Variants in KLHL26 observed in about 807,000 individuals in gnomAD.
The protein encoded by KLHL26 is kelch-like protein 26.
A neutral mutation model predicts 7.1 loss-of-function variants in KLHL26; 4 were observed. The ratio of observed to expected loss-of-function variants is 0.56; its 90% CI spans 0.28 to 1.28. KLHL26 has a LOEUF of 1.28. Ranked by LOEUF, KLHL26 falls within the 50% of genes most tolerant of loss-of-function variation. The pLI is 0.11. For missense variants in KLHL26, 896 were observed against 924.6 expected, an observed-to-expected ratio of 0.97 and a Z score of 0.40; for synonymous variants, 465 against 414.1, an observed-to-expected ratio of 1.12 and a Z score of -1.49.
At chr19:18,647,838 A>G (rs966500675) in intron 1 of KLHL26, among the ~76,000 whole-genome samples, 2 of 152,148 alleles carry the variant, frequency 1.3e-5, no homozygotes, top group African/African-American at 2.4e-5. Flanking sequence ...TGCTCTGTGG[A>G]CAGGATTTGT....
At chr19:18,642,412 G>C (rs1976729976) in intron 1 of KLHL26, among the ~76,000 whole-genome samples, 1 of 148,614 alleles carries the variant, frequency 6.7e-6, no homozygotes, top group Admixed American at 6.7e-5. Flanking sequence ...TTGTTGCCCA[G>C]GCTGGAGTGC....
chr19:18,664,895 TAG>T (rs929444256), intron 2 of KLHL26, among the ~76,000 whole-genome samples: 6 of 151,918 alleles, frequency 3.9e-5, no homozygotes, highest in Admixed American at 3.9e-4. Context: ...CTTCTGATTT[TAG>T]AGAGAGGTTT....
chr19:18,668,513 G>A lies in KLHL26; in HGVS notation c.1116G>A (p.Gln372=). ...ACGTGGCCGGGGGGCAGCACCTGCA[G>A]TACCGCAGCGGCGAGGGCGCAGTGG... is the stretch of plus-strand genomic sequence containing the variant. ...FVYVAGGQHL[Q]YRSGEGAVDA... is the part of the protein sequence containing the mutation. Residue 372 remains glutamine (Q), a synonymous_variant, in exon 3 of 3, where the codon CAG becomes CAA. Coordinates refer to ENST00000300976, the MANE Select transcript of KLHL26 (RefSeq NM_018316.3). 6.2e-7 allele frequency: 1 copy of A among 1,602,454 alleles called. No individual in the cohort carries two copies. The highest frequency in any genetic ancestry group is 8.5e-7 in the Non-Finnish European group (1 of 1,176,490).
intron 1 of KLHL26, among the ~76,000 whole-genome samples, chr19:18,654,606 C>T (rs768488412): frequency 6.6e-6 from 1 of 151,294 alleles, no homozygotes; most frequent in Non-Finnish European, 1.5e-5. Context: ...TTCATCCGTC[C>T]ATCCGTTCAT....
At position 18,668,492 on chromosome 19, in the gene KLHL26, G is replaced by A. The variant is rs763477169; in HGVS notation, c.1095G>A (p.Val365=). The change falls in exon 3 of 3, where the codon GTG becomes GTA. Residue 365 remains valine, a synonymous_variant. Coordinates refer to ENST00000300976, the MANE Select transcript of KLHL26 (RefSeq NM_018316.3). ...CVAVLDNFVY[V]AGGQHLQYRS... The stretch of plus-strand genomic sequence containing the variant: ...CCGTGCTGGACAATTTTGTGTACGT[G>A]GCCGGGGGGCAGCACCTGCAGTACC... 1.2e-6 allele frequency: 2 copies of A among 1,607,000 alleles called. No individual in the cohort carries two copies. The highest frequency in any genetic ancestry group is 2.2e-5 in the East Asian group (1 of 44,806).
At chr19:18,662,739 G>A (rs1432965519) in intron 1 of KLHL26, among the ~76,000 whole-genome samples, 2 of 152,134 alleles carry the variant, frequency 1.3e-5, no homozygotes, top group South Asian at 2.1e-4. Flanking sequence ...ATGAGCCTGC[G>A]ACATGCTCCT....
chr19:18,657,265 C>T (rs767960198), intron 1 of KLHL26, among the ~76,000 whole-genome samples: 6 of 145,784 alleles, frequency 4.1e-5, no homozygotes, highest in Non-Finnish European at 6.0e-5. Context: ...CTGTCTCTGT[C>T]ATGAGACAGG....
chr19:18,667,883 G>C lies in KLHL26; in HGVS notation c.486G>C (p.Val162=). The C allele has an allele frequency of 6.2e-7, 1 of 1,612,684 alleles. No homozygotes were observed. Among genetic ancestry groups the C allele is most frequent in the Non-Finnish European group, 8.5e-7 (1 of 1,180,000 alleles). Residue 162 remains valine, a synonymous_variant, in exon 3 of 3, where the codon GTG becomes GTC. Coordinates refer to ENST00000300976, the MANE Select transcript of KLHL26 (RefSeq NM_018316.3). ...CEEFLKAAMS[V]ETCLNIGQMA... Reference sequence around the variant, plus strand: ...AGTTCCTGAAGGCGGCCATGAGCGTGGAGACCTGCCTCAACATCGGCCAGA... The same window carrying C: ...AGTTCCTGAAGGCGGCCATGAGCGTCGAGACCTGCCTCAACATCGGCCAGA...
chr19:18,659,940 G>T (rs1238112512), intron 1 of KLHL26, among the ~76,000 whole-genome samples: 5 of 152,238 alleles, frequency 3.3e-5, no homozygotes, highest in African/African-American at 1.2e-4. Flanking sequence ...CTTGGGCTGG[G>T]TTCCCCCAGA....
chr19:18,640,866 G>T (rs1976700593), intron 1 of KLHL26, among the ~76,000 whole-genome samples: 1 of 152,030 alleles, frequency 6.6e-6, no homozygotes, highest in Admixed American at 6.6e-5. Context: ...AAACTGCCAA[G>T]CTTGTTCCCA....
In KLHL26 at chr19:18,667,752, G is replaced by A. The variant is rs771120244; in HGVS notation, c.355G>A (p.Asp119Asn). The A allele has an allele frequency of 2.2e-5, 36 of 1,613,160 alleles. No individual in the cohort carries two copies. The highest frequency in any genetic ancestry group is 2.8e-5 in the Non-Finnish European group (33 of 1,180,016). The change falls in exon 3 of 3, where the codon GAC becomes AAC. Residue 119 changes from aspartate to asparagine, a missense_variant. By Grantham distance (23) the Asp-to-Asn change is conservative. Coordinates refer to ENST00000300976, the MANE Select transcript of KLHL26 (RefSeq NM_018316.3). ...VSARGLRHII[D>N]FAYSAEVTLD... ...GGCCCGTGGCCTGCGGCACATCATC[G>A]ACTTCGCCTACAGCGCCGAGGTGAC...
In KLHL26 at chr19:18,669,367, C is replaced by A; in HGVS notation, c.*122C>A. ...GCCCGGGCTGCCCTTGAGGGGCCTGCTGCGTTGATAAGCCCCCCTCCCAGG... is the reference window on the plus strand; with the variant it reads ...GCCCGGGCTGCCCTTGAGGGGCCTGATGCGTTGATAAGCCCCCCTCCCAGG... On this transcript the variant is annotated 3_prime_UTR_variant, in exon 3 of 3. Coordinates refer to ENST00000300976, the MANE Select transcript of KLHL26 (RefSeq NM_018316.3). 1 of 730,704 alleles carries A rather than the reference C, an allele frequency of 1.4e-6. No homozygotes were observed. The allele number at this position is 730,704 out of a possible 1,614,324, so 45.3% of individuals were successfully genotyped here. A position where few individuals can be genotyped will look rare whatever the true frequency, so the allele number is the denominator to read the frequency against.
rs548149380 is a variant in KLHL26, at chr19:18,641,288, T to C, written c.83+4151T>C. Reference sequence around the variant, plus strand: ...CTCTTTGGTAACGTGTCTTTTCAAATGTTTGGGCCATTTTTAAGTTGGGTT... The same window carrying C: ...CTCTTTGGTAACGTGTCTTTTCAAACGTTTGGGCCATTTTTAAGTTGGGTT... On this transcript the variant is annotated intron_variant, in intron 1 of 2. Coordinates refer to ENST00000300976, the MANE Select transcript of KLHL26 (RefSeq NM_018316.3). 8.7e-5 allele frequency among the ~76,000 whole-genome samples: 13 copies of C among 149,518 alleles called. No individual in the cohort carries two copies. The South Asian group carries it at 2.7e-3, about 32-fold the overall frequency.
At chr19:18,637,820 C>A (rs1976646739) in intron 1 of KLHL26, among the ~76,000 whole-genome samples, 1 of 152,050 alleles carries the variant, frequency 6.6e-6, no homozygotes, top group Non-Finnish European at 1.5e-5. Flanking sequence ...GGTCCAAATC[C>A]ACATCCCCAA....
chr19:18,651,619 T>C (rs2052258281), intron 1 of KLHL26, among the ~76,000 whole-genome samples: 1 of 152,270 alleles, frequency 6.6e-6, no homozygotes, highest in Non-Finnish European at 1.5e-5. Context: ...AGTGCCTGCA[T>C]CTGGCCTGGC....
chr19:18,648,215 A>T lies in KLHL26; in HGVS notation c.83+11078A>T, dbSNP rs1976839483. On this transcript the variant is annotated intron_variant, in intron 1 of 2. Coordinates refer to ENST00000300976, the MANE Select transcript of KLHL26 (RefSeq NM_018316.3). This position sits in a 1 kb window ranked among gnomAD's most constrained non-coding sequence, Gnocchi z 4.9. ...GAGATCCAGTCTCTACTAAAAATACACAAAACTAGCTGGGCGCAGTGGCGG... is the reference window on the plus strand; with the variant it reads ...GAGATCCAGTCTCTACTAAAAATACTCAAAACTAGCTGGGCGCAGTGGCGG... Among the ~76,000 whole-genome samples the T allele has an allele frequency of 6.6e-6, 1 of 152,176 alleles. No homozygotes were observed. Among genetic ancestry groups the T allele is most frequent in the South Asian group, 2.1e-4 (1 of 4,830 alleles).
At chr19:18,659,636 C>T (rs1045503914) in intron 1 of KLHL26, 16 of 152,130 alleles carry the variant, frequency 1.1e-4, no homozygotes, top group African/African-American at 3.1e-4. Context: ...CCATGAAATT[C>T]TTTCTTGTTC....
rs1350921916 is a variant in KLHL26, at chr19:18,670,118, T to A, written c.*873T>A. The A allele has an allele frequency of 6.6e-6, 1 of 152,230 alleles. No individual in the cohort carries two copies. The highest frequency in any genetic ancestry group is 2.4e-5 in the African/African-American group (1 of 41,470). The allele number at this position is 152,230 out of a possible 1,614,324, so 9.4% of individuals were successfully genotyped here. ...CCGCAGGTCTGGTGGGGTGTCTTTTTTCTCCTCCCTCCTTTCCACCCCTCC... is the reference window on the plus strand; with the variant it reads ...CCGCAGGTCTGGTGGGGTGTCTTTTATCTCCTCCCTCCTTTCCACCCCTCC... On this transcript the variant is annotated 3_prime_UTR_variant, in exon 3 of 3. Coordinates refer to ENST00000300976, the MANE Select transcript of KLHL26 (RefSeq NM_018316.3).
rs201736868 is a variant in KLHL26, at chr19:18,639,071, TTTTA to T, written c.83+1950_83+1953del. 4.8e-3 allele frequency among the ~76,000 whole-genome samples: 731 copies of T among 151,970 alleles called. 17 individuals carry two copies. Among genetic ancestry groups the T allele is most frequent in the African/African-American group, 0.017 (692 of 41,370 alleles). On this transcript the variant is annotated intron_variant, in intron 1 of 2. Coordinates refer to ENST00000300976, the MANE Select transcript of KLHL26 (RefSeq NM_018316.3). ...ATGGCATACAATTCACTCATTTTGT[TTTTA>T]TTTATTTATTTATTTTTTGAGACAG...
Sources: allele counts gnomAD v4.1 joint callset (sites outside exome capture counted in the v4.1 genomes callset), GRCh38; gene constraint gnomAD v4.1.1; non-coding constraint Gnocchi (gnomAD v3.1); transcripts MANE v1.5; gene names NCBI Gene and HGNC (gene_info 2026-07-23, HGNC 2026-07-21).